The following CADPS2 variants were observed in gnomAD, a reference collection of about 807,000 sequenced individuals.
The protein encoded by CADPS2 is calcium dependent secretion activator 2.
A neutral mutation model predicts 172.5 loss-of-function variants in CADPS2; 93 were observed. The observed-to-expected ratio is 0.54, with a 90% CI of 0.46 to 0.64. The LOEUF (loss-of-function observed/expected upper bound fraction) is 0.64, where lower values mean the gene tolerates loss of function less well. Among genes scored for constraint, CADPS2 ranks in the 30% least tolerant of loss-of-function variants. The pLI, the probability that CADPS2 is intolerant of heterozygous loss-of-function variation, is 0.00. For synonymous variants in CADPS2, 546 were observed against 555.2 expected, an observed-to-expected ratio of 0.98 and a Z score of 0.23; for missense variants, 1,420 against 1,565.9, an observed-to-expected ratio of 0.91 and a Z score of 1.57.
intron 8 of CADPS2, among the ~76,000 whole-genome samples, chr7:122,519,773 A>G (rs750036139): frequency 1.3e-5 from 2 of 152,084 alleles, no homozygotes; most frequent in African/African-American, 2.4e-5. Flanking sequence ...TATATATTTA[A>G]TATATGATGT....
chr7:122,580,955 G>T (rs2132850967), intron 7 of CADPS2, among the ~76,000 whole-genome samples: 1 of 152,230 alleles, frequency 6.6e-6, no homozygotes, highest in South Asian at 2.1e-4. Flanking sequence ...CAAGGAATTT[G>T]TATTTACCCC....
intron 14 of CADPS2, among the ~76,000 whole-genome samples, chr7:122,457,077 C>G (rs1237782828): frequency 6.6e-6 from 1 of 152,102 alleles, no homozygotes; most frequent in Non-Finnish European, 1.5e-5. Context: ...ATTACTCATC[C>G]TAATCCATTT....
rs537263194 is a variant in CADPS2 at position 122,840,708 on chromosome 7, A to T, written c.339+45291T>A. 2.6e-5 allele frequency among the ~76,000 whole-genome samples: 4 copies of T among 152,218 alleles called. No individual in the cohort carries two copies. The East Asian group carries it at 7.7e-4, about 29-fold the overall frequency. On this transcript the variant is annotated intron_variant, in intron 1 of 29. Transcript: ENST00000449022. ...AGGCAGGAAGATATCCTGAGCCCAG[A>T]AACTTGAGACTAGTCTGAGTAACAC...
intron 11 of CADPS2, among the ~76,000 whole-genome samples, chr7:122,487,747 A>G (rs2057964448): frequency 6.6e-6 from 1 of 152,212 alleles, no homozygotes; most frequent in Non-Finnish European, 1.5e-5. Context: ...TGAACATTAC[A>G]CAGGTATGGA....
chr7:122,573,551 A>G (rs2067556868), intron 7 of CADPS2, among the ~76,000 whole-genome samples: 2 of 152,060 alleles, frequency 1.3e-5, no homozygotes, highest in Non-Finnish European at 2.9e-5. Flanking sequence ...AAAACAAACA[A>G]AAAACCCTCT....
In CADPS2 at chr7:122,416,129, C is replaced by T. The variant is rs1289591025; in HGVS notation, c.2512G>A (p.Glu838Lys). The change falls in exon 18 of 30, where the codon GAA becomes AAA. Residue 838 changes from glutamate to lysine, a missense_variant. Coordinates refer to ENST00000449022, the MANE Select transcript of CADPS2 (RefSeq NM_017954.11). ...AGCTCTGCCAGATGAAGAATCTCTT[C>T]CAGCTTTCTAGCAGGAGATGCCTGG... is the stretch of plus-strand genomic sequence containing the variant. ...MNQASPARKL[E>K]EILHLAELCI... 6.4e-7 allele frequency: 1 copy of T among 1,552,384 alleles called. No individual in the cohort carries two copies. The highest frequency in any genetic ancestry group is 2.4e-5 in the East Asian group (1 of 42,434).
intron 6 of CADPS2, among the ~76,000 whole-genome samples, chr7:122,592,519 C>T (rs555079591): frequency 1.5e-3 from 223 of 152,192 alleles, no homozygotes; most frequent in Middle Eastern, 3.4e-3. Context: ...AATCATGCTG[C>T]TATAAAGACA....
intron 1 of CADPS2, among the ~76,000 whole-genome samples, chr7:122,776,161 G>A (rs1042861390): frequency 8.5e-5 from 13 of 152,240 alleles, no homozygotes; most frequent in South Asian, 2.1e-4. Context: ...TCATGAGAGG[G>A]ACCTGGAGCA....
At chr7:122,817,966 GTGCCCTGACCCCTTATTTCCA>G (rs1271381255) in intron 1 of CADPS2, among the ~76,000 whole-genome samples, 2 of 126,190 alleles carry the variant, frequency 1.6e-5, no homozygotes, top group Non-Finnish European at 3.2e-5. Context: ...CTTTATTTCC[GTGCCCTGACCCCTTATTTCCA>G]TGCCCCGACC....
chr7:122,854,794 G>C (rs550099131), intron 1 of CADPS2, among the ~76,000 whole-genome samples: 1 of 152,166 alleles, frequency 6.6e-6, no homozygotes, highest in African/African-American at 2.4e-5. Flanking sequence ...GAATCAACCC[G>C]AGGAACAGGT....
intron 2 of CADPS2, among the ~76,000 whole-genome samples, chr7:122,712,492 A>T (rs2088905319): frequency 2.0e-5 from 3 of 152,176 alleles, no homozygotes; most frequent in African/African-American, 7.2e-5. Flanking sequence ...GGGCTACAGC[A>T]CTGATCAAAA....
intron 1 of CADPS2, among the ~76,000 whole-genome samples, chr7:122,846,392 G>GAAA (rs1812001260): frequency 6.6e-6 from 1 of 152,166 alleles, no homozygotes; most frequent in Non-Finnish European, 1.5e-5. Flanking sequence ...TTTTATGAGT[G>GAAA]TGCTTTGTAC....
intron 17 of CADPS2, among the ~76,000 whole-genome samples, chr7:122,434,763 A>G (rs1362587750): frequency 6.6e-6 from 1 of 152,250 alleles, no homozygotes; most frequent in Non-Finnish European, 1.5e-5. Context: ...CAATTTCCTG[A>G]TGGGATTTCA....
At chr7:122,563,413 TTTAAA>T (rs1333427169) in intron 7 of CADPS2, among the ~76,000 whole-genome samples, 1 of 152,180 alleles carries the variant, frequency 6.6e-6, no homozygotes, top group Non-Finnish European at 1.5e-5. Flanking sequence ...CTTTGTGAAA[TTTAAA>T]TCAATTCCCA....
intron 1 of CADPS2, among the ~76,000 whole-genome samples, chr7:122,811,450 T>C (rs1015333719): frequency 6.6e-6 from 1 of 152,224 alleles, no homozygotes; most frequent in Non-Finnish European, 1.5e-5. Context: ...TTCTAGTAAA[T>C]TGAATATCTG....
intron 27 of CADPS2, among the ~76,000 whole-genome samples, chr7:122,360,449 A>G (rs1204851179): frequency 6.6e-6 from 1 of 152,186 alleles, no homozygotes; most frequent in African/African-American, 2.4e-5. Context: ...AACCCATTAC[A>G]GCTTTCATAG....
intron 1 of CADPS2, among the ~76,000 whole-genome samples, chr7:122,810,333 T>C (rs1231431671): frequency 6.6e-6 from 1 of 152,166 alleles, no homozygotes; most frequent in African/African-American, 2.4e-5. Flanking sequence ...TTGCATTTAG[T>C]GCACACAGAA....
chr7:122,719,107 G>C (rs570916296), intron 2 of CADPS2, among the ~76,000 whole-genome samples: 2 of 152,070 alleles, frequency 1.3e-5, no homozygotes, highest in Non-Finnish European at 2.9e-5. Context: ...TCAGAGACAT[G>C]GGCAAGCCAG....
At chr7:122,711,552 C>A (rs2088724712) in intron 2 of CADPS2, among the ~76,000 whole-genome samples, 1 of 152,118 alleles carries the variant, frequency 6.6e-6, no homozygotes, top group Admixed American at 6.6e-5. Flanking sequence ...TCTATTTCTA[C>A]CCCAAGTGAC....
Sources: gnomAD v4.1 joint callset for allele counts (sites outside exome capture counted in the v4.1 genomes callset) on GRCh38, gnomAD v4.1.1 for gene constraint, MANE v1.5 for transcripts, NCBI Gene and HGNC (gene_info 2026-07-23, HGNC 2026-07-21) for gene names.